Variants in MAMDC2 observed in about 807,000 individuals in gnomAD.
MAMDC2 encodes the protein MAM domain containing 2.
A neutral mutation model predicts 89.8 loss-of-function variants in MAMDC2; 57 were observed. The ratio of observed to expected loss-of-function variants is 0.63; its 90% CI spans 0.51 to 0.79. MAMDC2 has a LOEUF of 0.79. MAMDC2 is among the 30% of genes least tolerant of loss of function. MAMDC2 has a pLI of 0.00. For synonymous variants in MAMDC2, 313 were observed against 293.4 expected, an observed-to-expected ratio of 1.07 and a Z score of -0.68; for missense variants, 800 against 820.6, an observed-to-expected ratio of 0.97 and a Z score of 0.31.
intron 2 of MAMDC2, among the ~76,000 whole-genome samples, chr9:70,072,030 T>C (rs756141236): frequency 2.6e-5 from 4 of 152,196 alleles, no homozygotes; most frequent in Non-Finnish European, 5.9e-5. Context: ...TACTGCTCAG[T>C]ATTAAAACCT....
intron 1 of MAMDC2, 27 bp downstream of exon 1, chr9:70,044,258 C>G (rs763449885): frequency 3.0e-5 from 49 of 1,609,844 alleles, no homozygotes; most frequent in Non-Finnish European, 4.1e-5. Flanking sequence ...GGGACAACCC[C>G]GGGGGCGCTC....
intron 2 of MAMDC2, among the ~76,000 whole-genome samples, chr9:70,055,264 C>G (rs1042860002): frequency 5.3e-5 from 8 of 152,180 alleles, no homozygotes; most frequent in African/African-American, 1.9e-4. Context: ...TAGTGCCTGA[C>G]AAGCACATTT....
chr9:70,143,443 A>T, intron 8 of MAMDC2, 111 bp from the exon 9 acceptor site: 1 of 1,224,342 alleles, frequency 8.2e-7, no homozygotes, highest in Non-Finnish European at 1.1e-6. Flanking sequence ...TCTATCATTT[A>T]AAGCATAGCT....
intron 9 of MAMDC2, among the ~76,000 whole-genome samples, chr9:70,149,207 C>CAAAAA (rs3071388): frequency 9.1e-6 from 1 of 109,724 alleles, no homozygotes; most frequent in African/African-American, 3.5e-5. Context: ...GACCCCATCT[C>CAAAAA]AAAAAAAAAA....
At chr9:70,072,596 A>T (rs1827434181) in intron 2 of MAMDC2, among the ~76,000 whole-genome samples, 1 of 152,162 alleles carries the variant, frequency 6.6e-6, no homozygotes, top group Admixed American at 6.5e-5. Context: ...CCCCACCGAT[A>T]GATGAGGAAA....
chr9:70,179,253 TTG>T (rs1418996221), intron 11 of MAMDC2, among the ~76,000 whole-genome samples: 1 of 151,966 alleles, frequency 6.6e-6, no homozygotes, highest in Non-Finnish European at 1.5e-5. Context: ...TGGCTCACGC[TTG>T]TAATCCCAGC....
At chr9:70,194,404 T>G (rs1405318680) in intron 11 of MAMDC2, 3 of 152,056 alleles carry the variant, frequency 2.0e-5, no homozygotes, top group Non-Finnish European at 4.4e-5. Context: ...ATTGAGGTCT[T>G]TGTAAAAGAG....
chr9:70,206,242 A>G (rs868093436), intron 11 of MAMDC2, among the ~76,000 whole-genome samples: 1 of 152,238 alleles, frequency 6.6e-6, no homozygotes, highest in South Asian at 2.1e-4. Context: ...TGGCCAATTT[A>G]TAAGTTTTAA....
intron 11 of MAMDC2, among the ~76,000 whole-genome samples, chr9:70,189,665 T>A (rs2032836882): frequency 6.6e-6 from 1 of 152,132 alleles, no homozygotes; most frequent in African/African-American, 2.4e-5. Flanking sequence ...ATTTTTCAAA[T>A]GTTCTTTCTT....
intron 2 of MAMDC2, chr9:70,062,411 T>A (rs1827169109): frequency 6.6e-6 from 1 of 152,162 alleles, no homozygotes; most frequent in Non-Finnish European, 1.5e-5. Context: ...AAAAAGAAAG[T>A]TTTTTAGGTT....
At chr9:70,221,380 T>TATATATATATATATAGAG in intron 12 of MAMDC2, among the ~76,000 whole-genome samples, 3 of 7,044 alleles carry the variant, frequency 4.3e-4, no homozygotes, top group Non-Finnish European at 5.2e-4. Context: ...TATATATATA[T>TATATATATATATATAGAG]AGAGAGAGAG....
intron 11 of MAMDC2, among the ~76,000 whole-genome samples, chr9:70,209,055 G>A (rs1168033792): frequency 2.6e-5 from 4 of 152,128 alleles, no homozygotes; most frequent in African/African-American, 4.8e-5. Flanking sequence ...GAGGATTTTT[G>A]CGTCGATGTT....
intron 11 of MAMDC2, 161 bp downstream of exon 11, chr9:70,170,792 A>C: frequency 1.7e-6 from 1 of 603,358 alleles, no homozygotes; most frequent in Non-Finnish European, 2.7e-6. Context: ...TGGGCATTGA[A>C]TATCTCATCC....
intron 5 of MAMDC2, among the ~76,000 whole-genome samples, chr9:70,124,133 G>C (rs1218021513): frequency 6.6e-6 from 1 of 152,192 alleles, no homozygotes; most frequent in Non-Finnish European, 1.5e-5. Flanking sequence ...TCTCAGGGAG[G>C]CTGGAGAACA....
At chr9:70,214,125 A>G (rs1220893866) in intron 11 of MAMDC2, among the ~76,000 whole-genome samples, 1 of 152,252 alleles carries the variant, frequency 6.6e-6, no homozygotes, top group Admixed American at 6.5e-5. Context: ...TAAAGGAAAG[A>G]GACAGGCAAA....
chr9:70,196,971 A>C (rs1474681011), intron 11 of MAMDC2, among the ~76,000 whole-genome samples: 1 of 152,168 alleles, frequency 6.6e-6, no homozygotes, highest in Admixed American at 6.6e-5. Context: ...AATTACTTGG[A>C]AGACAAATAG....
chr9:70,075,881 C>G (rs911129891), intron 2 of MAMDC2, among the ~76,000 whole-genome samples: 11 of 152,208 alleles, frequency 7.2e-5, no homozygotes, highest in African/African-American at 2.7e-4. Flanking sequence ...CAGGCAATCA[C>G]TAAGTACTGA....
Position 70,158,422 on chromosome 9 carries a change from AATAT to A in MAMDC2, c.1405-10274_1405-10271del, listed in dbSNP as rs540375767. Reference sequence around the variant, plus strand: ...ATCTTTCACTTTAGATGCAAGTATAAATATATATACCCATTTATATATATACATA... The same window carrying A: ...ATCTTTCACTTTAGATGCAAGTATAAATATACCCATTTATATATATACATA... On this transcript the variant is annotated intron_variant, in intron 9 of 13. Transcript: ENST00000377182. Among the ~76,000 whole-genome samples the A allele has an allele frequency of 3.9e-3, 594 of 151,912 alleles. 3 individuals carry two copies. The highest frequency in any genetic ancestry group is 0.013 in the African/African-American group (549 of 41,480).
At chr9:70,170,759 TAC>T (rs1166035184) in intron 11 of MAMDC2, 128 bp downstream of exon 11, 2 of 823,214 alleles carry the variant, frequency 2.4e-6, no homozygotes, top group African/African-American at 1.7e-5. Flanking sequence ...CTTGTGATTC[TAC>T]ACACACAGGA....
Sources: gnomAD v4.1 joint callset for allele counts (sites outside exome capture counted in the v4.1 genomes callset) on GRCh38, gnomAD v4.1.1 for gene constraint, MANE v1.5 for transcripts, NCBI Gene and HGNC (gene_info 2026-07-23, HGNC 2026-07-21) for gene names.